The following CYP2J2 variants were observed in gnomAD, a reference collection of about 807,000 sequenced individuals.
CYP2J2 encodes the protein cytochrome P450 2J2.
A neutral mutation model predicts 48.8 loss-of-function variants in CYP2J2; 41 were observed. The ratio of observed to expected loss-of-function variants is 0.84; its 90% CI spans 0.66 to 1.09. The LOEUF (loss-of-function observed/expected upper bound fraction) is 1.09, where lower values mean the gene tolerates loss of function less well. CYP2J2 is among the 50% of genes least tolerant of loss of function. CYP2J2 has a pLI of 0.00. For synonymous variants in CYP2J2, 221 were observed against 227.1 expected, an observed-to-expected ratio of 0.97 and a Z score of 0.24; for missense variants, 644 against 617.3, an observed-to-expected ratio of 1.04 and a Z score of -0.46.
the CYP2J2 span, among the ~76,000 whole-genome samples, chr1:59,934,929 C>T: frequency 2.7e-3 from 386 of 141,866 alleles, 1 homozygote; most frequent in African/African-American, 9.4e-3. Context: ...TTATTTATAA[C>T]AGCCAAGATA....
chr1:59,922,672 T>G (rs1160491213), intron 1 of CYP2J2, among the ~76,000 whole-genome samples: 1 of 152,170 alleles, frequency 6.6e-6, no homozygotes, highest in African/African-American at 2.4e-5. Flanking sequence ...TTATTCCAGA[T>G]AAGGTTGAAA....
At chr1:59,955,582 T>C in the CYP2J2 span, among the ~76,000 whole-genome samples, 1 of 152,060 alleles carries the variant, frequency 6.6e-6, no homozygotes, top group African/African-American at 2.4e-5. Flanking sequence ...GTGAAGATAC[T>C]GGGCAACACT....
the CYP2J2 span, among the ~76,000 whole-genome samples, chr1:59,958,381 A>G: frequency 0.024 from 3,718 of 152,260 alleles, 56 homozygotes; most frequent in Non-Finnish European, 0.033. Context: ...GAGGGCTTCA[A>G]TTTCTTGCTC....
the CYP2J2 span, among the ~76,000 whole-genome samples, chr1:59,937,149 C>T: frequency 6.6e-6 from 1 of 152,210 alleles, no homozygotes; most frequent in South Asian, 2.1e-4. Flanking sequence ...ATCTTGTTAC[C>T]TCTCCATTTC....
intron 1 of CYP2J2, among the ~76,000 whole-genome samples, chr1:59,916,578 T>G (rs977277800): frequency 5.3e-5 from 8 of 151,958 alleles, no homozygotes; most frequent in African/African-American, 1.9e-4. Context: ...TACAAAAAAA[T>G]AAAAATTAGC....
At position 59,926,575 on chromosome 1, in the gene CYP2J2, G is replaced by A. The variant is rs934932563; in HGVS notation, c.172C>T (p.Leu58Phe). The A allele has an allele frequency of 3.7e-6, 6 of 1,614,214 alleles. No homozygotes were observed. The highest frequency in any genetic ancestry group is 2.2e-5 in the South Asian group (2 of 91,084). Residue 58 changes from leucine (L) to phenylalanine (F), a missense_variant, in exon 1 of 9, where the codon CTT becomes TTT. Transcript: ENST00000371204. ...WRLPFLGNFF[L>F]VDFEQSHLEV... Reference sequence around the variant, plus strand: ...AGGTGCGACTGCTCGAAGTCCACAAGGAAGAAGTTGCCAAGGAAGGGCAGG... The same window carrying A: ...AGGTGCGACTGCTCGAAGTCCACAAAGAAGAAGTTGCCAAGGAAGGGCAGG...
chr1:59,893,667 G>A lies in CYP2J2; in HGVS notation c.1493C>T (p.Ala498Val). 1 of 1,611,562 alleles carries A rather than the reference G, an allele frequency of 6.2e-7. No homozygotes were observed. Among genetic ancestry groups the A allele is most frequent in the East Asian group, 2.2e-5 (1 of 44,880 alleles). ...TTAACAATATTACACCTGAGGAACA[G>A]CGCAGAGGCGGTGACTGACTGGGGA... Reference protein sequence around the residue: ...TISPVSHRLCAVPQV With the variant: ...TISPVSHRLCVVPQV The change falls in exon 9 of 9, where the codon GCT (alanine) becomes GTT (valine). Residue 498 changes from alanine to valine, a missense_variant. Transcript: ENST00000371204.
intron 1 of CYP2J2, 22 bp downstream of exon 1, chr1:59,926,515 A>G: frequency 6.3e-7 from 1 of 1,595,822 alleles, no homozygotes; most frequent in East Asian, 2.2e-5. Flanking sequence ...AGGACACGCT[A>G]GGCACCTTCT....
intron 1 of CYP2J2, among the ~76,000 whole-genome samples, chr1:59,917,068 A>G (rs926513064): frequency 1.3e-5 from 2 of 152,158 alleles, no homozygotes; most frequent in Non-Finnish European, 1.5e-5. Flanking sequence ...TGGGCTGTAT[A>G]GTTCAATCGT....
chr1:59,940,474 C>T, the CYP2J2 span, among the ~76,000 whole-genome samples: 2 of 152,108 alleles, frequency 1.3e-5, no homozygotes, highest in Non-Finnish European at 2.9e-5. Context: ...AAAATAATGG[C>T]CATTACTTTT....
rs1242725128 is a variant in CYP2J2, at chr1:59,909,844, C to T, written c.801G>A (p.Lys267=). 1.2e-6 allele frequency: 2 copies of T among 1,609,624 alleles called. No individual in the cohort carries two copies. The highest frequency in any genetic ancestry group is 1.1e-5 in the South Asian group (1 of 89,872). ...CTCTTGTTTCTGCAGGATTCCAATC[C>T]TTTCTGTGTTTGTCAATCATATGAG... ...FVSHMIDKHR[K]DWNPAETRDF... Residue 267 remains lysine, a synonymous_variant, in exon 5 of 9, where the codon AAG becomes AAA. Transcript: ENST00000371204.
At chr1:59,917,578 G>A (rs189866368) in intron 1 of CYP2J2, among the ~76,000 whole-genome samples, 29 of 152,324 alleles carry the variant, frequency 1.9e-4, no homozygotes, top group Admixed American at 1.8e-3. Context: ...ACAGAGTTTA[G>A]TGGGAGTGAC....
At chr1:59,907,009 C>A (rs986953342) in intron 6 of CYP2J2, among the ~76,000 whole-genome samples, 2 of 152,130 alleles carry the variant, frequency 1.3e-5, no homozygotes, top group African/African-American at 4.8e-5. Context: ...TTCCCACCCC[C>A]ATATGTTCAA....
At chr1:59,952,790 A>C in the CYP2J2 span, among the ~76,000 whole-genome samples, 1 of 152,202 alleles carries the variant, frequency 6.6e-6, no homozygotes, top group African/African-American at 2.4e-5. Flanking sequence ...GGACACACCC[A>C]ATGCATAGAA....
chr1:59,906,158 C>T (rs749466653), intron 6 of CYP2J2, among the ~76,000 whole-genome samples: 17 of 152,284 alleles, frequency 1.1e-4, no homozygotes, highest in Non-Finnish European at 2.4e-4. Context: ...TGCACTCCAG[C>T]CTGGGTGACA....
chr1:59,924,922 A>G (rs1196481646), intron 1 of CYP2J2, among the ~76,000 whole-genome samples: 1 of 152,120 alleles, frequency 6.6e-6, no homozygotes, highest in African/African-American at 2.4e-5. Context: ...AATTTCAAGT[A>G]TAATAATACA....
the CYP2J2 span, among the ~76,000 whole-genome samples, chr1:59,945,432 ATCTATCTATCTC>A: frequency 5.8e-5 from 7 of 121,626 alleles, no homozygotes; most frequent in African/African-American, 2.1e-4. Context: ...CTATCTATCT[ATCTATCTATCTC>A]TCTATCTATC....
In CYP2J2 at chr1:59,912,323, A is replaced by G. The variant is rs147461369; in HGVS notation, c.374-12T>C. ...TGACATAATCAATCCTGGGAAAAAG[A>G]AAGTCAACATTACAGTATTCTGATT... On this transcript the variant is annotated splice_polypyrimidine_tract_variant and intron_variant, in intron 2 of 8. Coordinates refer to ENST00000371204, the MANE Select transcript of CYP2J2 (RefSeq NM_000775.4). The G allele has an allele frequency of 2.8e-5, 45 of 1,609,462 alleles. No individual in the cohort carries two copies. The highest frequency in any genetic ancestry group is 3.6e-5 in the Non-Finnish European group (43 of 1,178,192).
At chr1:59,945,313 A>G in the CYP2J2 span, among the ~76,000 whole-genome samples, 2 of 151,682 alleles carry the variant, frequency 1.3e-5, no homozygotes, top group South Asian at 2.1e-4. Flanking sequence ...TTTTTCTACC[A>G]TGGCTATTCA....
Sources: gnomAD v4.1 joint callset for allele counts (sites outside exome capture counted in the v4.1 genomes callset) on GRCh38, gnomAD v4.1.1 for gene constraint, MANE v1.5 for transcripts, NCBI Gene and HGNC (gene_info 2026-07-23, HGNC 2026-07-21) for gene names.